The following NTN4 variants were observed in gnomAD, a reference collection of about 807,000 sequenced individuals.
The protein encoded by NTN4 is netrin 4.
Under a neutral mutation model 73.6 loss-of-function variants are expected in NTN4, and 32 were observed. That is an observed-to-expected ratio of 0.44 (90% confidence interval 0.33 to 0.58). The LOEUF is 0.58. Among genes scored for constraint, NTN4 ranks in the 20% least tolerant of loss-of-function variants. NTN4 has a pLI of 0.04. For synonymous variants in NTN4, 258 were observed against 287.5 expected (o/e 0.90, Z 1.04); for missense variants, 654 against 798.3 (o/e 0.82, Z 2.18).
intron 5 of NTN4, among the ~76,000 whole-genome samples, chr12:95,695,120 T>A (rs1382613630): frequency 6.8e-6 from 1 of 146,784 alleles, no homozygotes; most frequent in Admixed American, 7.0e-5. Flanking sequence ...AGAGCGAGAC[T>A]GTCTCAAAAA....
At chr12:95,669,206 T>TA (rs369624673) in intron 8 of NTN4, among the ~76,000 whole-genome samples, 5,223 of 125,938 alleles carry the variant, frequency 0.041, 257 homozygotes, top group East Asian at 0.28. Context: ...AGACTCTGTC[T>TA]AAAAAAAAAA....
In NTN4 at chr12:95,766,685, C is replaced by T. The variant is rs1231091485; in HGVS notation, c.585+20254G>A. ...CATTGATCTCACCAGTTCTGCTCAG[C>T]TTTCTCTAAATAGGAATATCTTGAC... On this transcript the variant is annotated intron_variant, in intron 2 of 9. Coordinates refer to ENST00000343702, the MANE Select transcript of NTN4 (RefSeq NM_021229.4). Among the ~76,000 whole-genome samples, 43 of 152,194 alleles carry T rather than the reference C, an allele frequency of 2.8e-4. 1 individual carries two copies. The highest frequency in any genetic ancestry group is 2.8e-3 in the Admixed American group (43 of 15,284).
At chr12:95,741,427 T>TATA (rs2078823266) in intron 2 of NTN4, among the ~76,000 whole-genome samples, 3 of 51,060 alleles carry the variant, frequency 5.9e-5, no homozygotes, top group Admixed American at 3.0e-4. Flanking sequence ...TATGTATAAA[T>TATA]TATATATATA....
intron 2 of NTN4, among the ~76,000 whole-genome samples, chr12:95,741,533 T>G (rs1026536734): frequency 1.4e-5 from 2 of 142,544 alleles, no homozygotes; most frequent in Non-Finnish European, 3.1e-5. Flanking sequence ...CTGTTTTATC[T>G]ATGTATGTCC....
intron 2 of NTN4, among the ~76,000 whole-genome samples, chr12:95,747,731 T>C (rs986147364): frequency 6.6e-6 from 1 of 152,204 alleles, no homozygotes; most frequent in Non-Finnish European, 1.5e-5. Context: ...ATCATGTCAA[T>C]ACAGGTTTAT....
chr12:95,717,250 T>C (rs887976263), intron 3 of NTN4, among the ~76,000 whole-genome samples: 11 of 152,214 alleles, frequency 7.2e-5, no homozygotes, highest in African/African-American at 2.4e-4. Context: ...GCCTAAGGCC[T>C]ATACGTAATA....
At chr12:95,748,762 T>C (rs1481033171) in intron 2 of NTN4, among the ~76,000 whole-genome samples, 1 of 152,196 alleles carries the variant, frequency 6.6e-6, no homozygotes, top group African/African-American at 2.4e-5. Flanking sequence ...TAAGCCACCA[T>C]GCCTGGCCCT....
rs73379010 is a variant in NTN4 at position 95,725,226 on chromosome 12, G to A, written c.865-11888C>T. Among the ~76,000 whole-genome samples the A allele has an allele frequency of 4.0e-3, 608 of 152,102 alleles. 7 individuals carry two copies. Among genetic ancestry groups the A allele is most frequent in the African/African-American group, 0.013 (545 of 41,512 alleles). On this transcript the variant is annotated intron_variant, in intron 3 of 9. Coordinates refer to ENST00000343702, the MANE Select transcript of NTN4 (RefSeq NM_021229.4). ...ATTAGGCAAGAACCTGGGAAACTGC[G>A]TGAAAGCAAAAAACGAGTAGAACTA...
intron 2 of NTN4, among the ~76,000 whole-genome samples, chr12:95,762,370 C>G (rs2078994753): frequency 6.6e-6 from 1 of 152,162 alleles, no homozygotes; most frequent in African/African-American, 2.4e-5. Flanking sequence ...AGCATAGGGC[C>G]ACTTTGTCCT....
Position 95,725,443 on chromosome 12 carries a change from A to G in NTN4, c.865-12105T>C, listed in dbSNP as rs77176239. On this transcript the variant is annotated intron_variant, in intron 3 of 9. Transcript: ENST00000343702. The stretch of plus-strand genomic sequence containing the variant: ...ATTCATTTGCTCAATGTGTTTGCAT[A>G]GTTTCTGGTTGTTTTAAAGGAAAAA... Among the ~76,000 whole-genome samples the G allele has an allele frequency of 7.2e-5, 11 of 152,238 alleles. No individual in the cohort carries two copies. The East Asian group carries it at 1.7e-3, about 24-fold the overall frequency.
intron 7 of NTN4, among the ~76,000 whole-genome samples, chr12:95,680,278 T>C (rs2078305576): frequency 6.6e-6 from 1 of 152,220 alleles, no homozygotes; most frequent in African/African-American, 2.4e-5. Context: ...AATGAATAAA[T>C]TTATAAAGAA....
chr12:95,674,310 T>C (rs2078256840), intron 7 of NTN4, among the ~76,000 whole-genome samples: 1 of 152,230 alleles, frequency 6.6e-6, no homozygotes, highest in African/African-American at 2.4e-5. Flanking sequence ...CACAATGCTT[T>C]TCTCTTTAAC....
At chr12:95,753,480 C>G (rs1453610608) in intron 2 of NTN4, among the ~76,000 whole-genome samples, 1 of 141,896 alleles carries the variant, frequency 7.0e-6, no homozygotes, top group East Asian at 2.0e-4. Flanking sequence ...CCTACAGGGT[C>G]TGAGAAGGCC....
At chr12:95,765,282 T>A (rs1021543534) in intron 2 of NTN4, among the ~76,000 whole-genome samples, 2 of 152,250 alleles carry the variant, frequency 1.3e-5, no homozygotes, top group African/African-American at 4.8e-5. Context: ...TTGTTCTTTG[T>A]ACCTCTGATT....
At chr12:95,757,137 T>C (rs1409218047) in intron 2 of NTN4, among the ~76,000 whole-genome samples, 1 of 152,216 alleles carries the variant, frequency 6.6e-6, no homozygotes, top group African/African-American at 2.4e-5. Context: ...CATCAGTGTG[T>C]AGGCAATGCT....
chr12:95,702,109 G>A (rs764696125), intron 5 of NTN4, among the ~76,000 whole-genome samples: 10 of 151,758 alleles, frequency 6.6e-5, no homozygotes, highest in Non-Finnish European at 1.5e-4. Context: ...GGGAAACCCC[G>A]TCTCTACTAA....
At chr12:95,749,931 T>TG (rs1245640103) in intron 2 of NTN4, among the ~76,000 whole-genome samples, 2 of 146,648 alleles carry the variant, frequency 1.4e-5, no homozygotes, top group African/African-American at 5.0e-5. Context: ...CCCGCTTTTC[T>TG]GGGGGAGGGG....
At chr12:95,700,741 T>G (rs941736968) in intron 5 of NTN4, among the ~76,000 whole-genome samples, 10 of 152,064 alleles carry the variant, frequency 6.6e-5, no homozygotes, top group African/African-American at 2.4e-4. Flanking sequence ...AGTACACAAT[T>G]ATCTAGGAAG....
intron 3 of NTN4, among the ~76,000 whole-genome samples, chr12:95,728,775 C>A (rs752678611): frequency 2.0e-5 from 3 of 152,104 alleles, no homozygotes; most frequent in African/African-American, 7.2e-5. Context: ...AAACTGTAAT[C>A]CCCAGTGTTG....
Sources: gnomAD v4.1 joint callset for allele counts (sites outside exome capture counted in the v4.1 genomes callset) on GRCh38, gnomAD v4.1.1 for gene constraint, MANE v1.5 for transcripts, NCBI Gene and HGNC (gene_info 2026-07-23, HGNC 2026-07-21) for gene names.